The following TFB1M variants were observed in gnomAD, a reference collection of about 807,000 sequenced individuals.
TFB1M encodes dimethyladenosine transferase 1, mitochondrial.
Under a neutral mutation model 31.1 loss-of-function variants are expected in TFB1M, and 27 were observed. The ratio of observed to expected loss-of-function variants is 0.87; its 90% confidence interval spans 0.64 to 1.20. The LOEUF is 1.20. Among genes scored for constraint, TFB1M ranks in the 50% most tolerant of loss-of-function variants. The pLI is 0.00. For synonymous variants in TFB1M, 166 were observed against 151.8 expected (o/e 1.09, Z -0.69); for missense variants, 394 against 418.7 (o/e 0.94, Z 0.51).
At chr6:155,272,537 T>A (rs1784976186) in intron 5 of TFB1M, among the ~76,000 whole-genome samples, 1 of 151,898 alleles carries the variant, frequency 6.6e-6, no homozygotes, top group South Asian at 2.1e-4. Flanking sequence ...CCACCACAGC[T>A]GCTGGAACAA....
intron 5 of TFB1M, among the ~76,000 whole-genome samples, chr6:155,271,510 A>C (rs1355423428): frequency 6.6e-6 from 1 of 152,226 alleles, no homozygotes; most frequent in Non-Finnish European, 1.5e-5. Context: ...GATTCTAGTC[A>C]AAAGTTGTTG....
rs113623320 is a variant in TFB1M, at chr6:155,256,163, C to A, written c.*1673G>T. 7.9e-6 allele frequency: 4 copies of A among 507,130 alleles called. No homozygotes were observed. The highest frequency in any genetic ancestry group is 4.0e-5 in the African/African-American group (2 of 50,328). The allele number at this position is 507,130 out of a possible 1,614,324, so 31.4% of individuals were successfully genotyped here. ...AGAAAGGAGCCTAGATTTATTATTACCAATTAACTTTTCAACTTACTCCTT... is the reference window on the plus strand; with the variant it reads ...AGAAAGGAGCCTAGATTTATTATTAACAATTAACTTTTCAACTTACTCCTT... On this transcript the variant is annotated 3_prime_UTR_variant, in exon 7 of 7. Coordinates refer to ENST00000367166, the MANE Select transcript of TFB1M (RefSeq NM_016020.4).
the TFB1M span, among the ~76,000 whole-genome samples, chr6:155,235,977 C>T: frequency 6.6e-6 from 1 of 152,062 alleles, no homozygotes. Flanking sequence ...TTATTTTATA[C>T]AGTATATTCA....
In TFB1M at chr6:155,264,794, T is replaced by C. The variant is rs1049893446; in HGVS notation, c.667-4394A>G. 1.2e-4 allele frequency among the ~76,000 whole-genome samples: 19 copies of C among 152,082 alleles called. 1 individual carries two copies. Among genetic ancestry groups the C allele is most frequent in the Non-Finnish European group, 4.4e-5 (3 of 68,012 alleles). ...AGACTAAGAAATGTGGTGAGGGGGA[T>C]GAAGAGTTTTTTTACTGTGTAAATT... On this transcript the variant is annotated intron_variant, in intron 5 of 6. Coordinates refer to ENST00000367166, the MANE Select transcript of TFB1M (RefSeq NM_016020.4).
intron 5 of TFB1M, chr6:155,264,100 A>T (rs1784515488): frequency 1.3e-5 from 2 of 152,178 alleles, no homozygotes; most frequent in Admixed American, 6.5e-5. Context: ...GCACCACAAA[A>T]TGGAACGCAG....
chr6:155,297,157 T>C, intron 3 of TFB1M, 53 bp from the exon 4 acceptor site: 2 of 1,575,930 alleles, frequency 1.3e-6, no homozygotes, highest in Non-Finnish European at 1.7e-6. Context: ...ATATTCTGAA[T>C]ACAATTTCAG....
chr6:155,242,330 G>T, the TFB1M span, among the ~76,000 whole-genome samples: 1 of 152,188 alleles, frequency 6.6e-6, no homozygotes, highest in African/African-American at 2.4e-5. Flanking sequence ...TGTTGCTGAC[G>T]TTTAACACAG....
At chr6:155,286,477 A>G (rs570188629) in intron 4 of TFB1M, among the ~76,000 whole-genome samples, 2 of 143,480 alleles carry the variant, frequency 1.4e-5, no homozygotes, top group East Asian at 4.1e-4. Flanking sequence ...AAATATATAT[A>G]TATGTGTGTG....
the TFB1M span, among the ~76,000 whole-genome samples, chr6:155,237,119 G>A: frequency 6.6e-6 from 1 of 152,226 alleles, no homozygotes. Flanking sequence ...ATACAATGGG[G>A]GTACAGGCAT....
At chr6:155,246,628 G>A in the TFB1M span, among the ~76,000 whole-genome samples, 6 of 152,014 alleles carry the variant, frequency 3.9e-5, no homozygotes, top group Non-Finnish European at 8.8e-5. Flanking sequence ...GAGCCACCAC[G>A]CCTGGCCCAC....
chr6:155,244,353 C>A, the TFB1M span, among the ~76,000 whole-genome samples: 1 of 152,286 alleles, frequency 6.6e-6, no homozygotes, highest in Non-Finnish European at 1.5e-5. Context: ...TCAATACATA[C>A]CTTTGTAATG....
chr6:155,251,694 CT>C (rs1783664285), downstream of TFB1M, among the ~76,000 whole-genome samples: 1 of 152,198 alleles, frequency 6.6e-6, no homozygotes, highest in African/African-American at 2.4e-5. Flanking sequence ...GTGTCCTCAG[CT>C]TTCAATAAAA....
intron 2 of TFB1M, among the ~76,000 whole-genome samples, chr6:155,310,098 A>T (rs1293765845): frequency 6.6e-6 from 1 of 152,190 alleles, no homozygotes; most frequent in Non-Finnish European, 1.5e-5. Flanking sequence ...AACTTCTCAA[A>T]CCGTTCTGAC....
chr6:155,263,474 G>A (rs906250675), intron 5 of TFB1M, among the ~76,000 whole-genome samples: 1 of 151,908 alleles, frequency 6.6e-6, no homozygotes, highest in Non-Finnish European at 1.5e-5. Context: ...AACCCTATAC[G>A]TCAACGCTGT....
intron 2 of TFB1M, among the ~76,000 whole-genome samples, chr6:155,310,525 C>A (rs1777968412): frequency 6.6e-6 from 1 of 152,154 alleles, no homozygotes. Flanking sequence ...GGATGTGCTG[C>A]TATATACACT....
At chr6:155,258,948 C>A (rs1784257875) in intron 6 of TFB1M, among the ~76,000 whole-genome samples, 1 of 152,154 alleles carries the variant, frequency 6.6e-6, no homozygotes, top group African/African-American at 2.4e-5. Context: ...AAGTCAAAGT[C>A]CTTTGACCTG....
chr6:155,248,509 A>G, the TFB1M span, among the ~76,000 whole-genome samples: 1 of 152,198 alleles, frequency 6.6e-6, no homozygotes, highest in African/African-American at 2.4e-5. Context: ...GTGCCGCTGG[A>G]ACTGAAAATC....
chr6:155,238,792 C>A, the TFB1M span, among the ~76,000 whole-genome samples: 1 of 152,222 alleles, frequency 6.6e-6, no homozygotes, highest in Admixed American at 6.5e-5. Flanking sequence ...TTTGGGGTTT[C>A]CAGCCTTGGT....
At chr6:155,241,034 C>G in the TFB1M span, among the ~76,000 whole-genome samples, 2 of 152,188 alleles carry the variant, frequency 1.3e-5, no homozygotes, top group African/African-American at 4.8e-5. Flanking sequence ...AGAGAGATCA[C>G]TTTAGGTGAT....
Sources: gnomAD v4.1 joint callset for allele counts (sites outside exome capture counted in the v4.1 genomes callset) on GRCh38, gnomAD v4.1.1 for gene constraint, MANE v1.5 for transcripts, NCBI Gene and HGNC (gene_info 2026-07-23, HGNC 2026-07-21) for gene names.